KIAA1549L: variants seen among roughly 807,000 people sequenced by gnomAD.
KIAA1549L encodes the protein UPF0606 protein KIAA1549L.
In KIAA1549L, 88 loss-of-function variants were observed where a neutral mutation model predicts 160.7. That is an observed-to-expected ratio of 0.55 (90% CI 0.46 to 0.65). The LOEUF (loss-of-function observed/expected upper bound fraction) is 0.65. Among genes scored for constraint, KIAA1549L ranks in the 30% least tolerant of loss-of-function variants. The probability of loss-of-function intolerance (pLI) is 0.00; values close to 1 mark genes in which losing one functional copy is unlikely to be tolerated. For missense variants in KIAA1549L, 2,258 were observed against 2,437.5 expected, an observed-to-expected ratio of 0.93 and a Z score of 1.55; for synonymous variants, 950 against 976.7, an observed-to-expected ratio of 0.97 and a Z score of 0.51.
At chr11:33,568,330 T>C in intron 9 of KIAA1549L, 103 bp downstream of exon 9, 2 of 1,086,618 alleles carry the variant, frequency 1.8e-6, no homozygotes, top group Non-Finnish European at 2.5e-6. Context: ...GGAGCCTCCA[T>C]GCTGCCAACT....
intron 1 of KIAA1549L, among the ~76,000 whole-genome samples, chr11:33,454,386 G>A (rs1271086046): frequency 1.3e-5 from 2 of 152,164 alleles, no homozygotes; most frequent in African/African-American, 4.8e-5. Context: ...AGTAAATATA[G>A]GCAGACACCC....
intron 17 of KIAA1549L, among the ~76,000 whole-genome samples, chr11:33,647,182 C>T (rs181794210): frequency 1.4e-3 from 212 of 152,126 alleles, no homozygotes; most frequent in Non-Finnish European, 2.4e-3. Context: ...CTCAAGAGTT[C>T]GAGACCAGTC....
intron 1 of KIAA1549L, among the ~76,000 whole-genome samples, chr11:33,443,281 T>C (rs960747562): frequency 2.0e-5 from 3 of 152,124 alleles, no homozygotes; most frequent in African/African-American, 4.8e-5. Context: ...ATTACAGGCA[T>C]GAGCCACCAT....
chr11:33,662,109 T>G (rs1852285693), intron 20 of KIAA1549L, among the ~76,000 whole-genome samples: 1 of 152,196 alleles, frequency 6.6e-6, no homozygotes, highest in Non-Finnish European at 1.5e-5. Flanking sequence ...TGATGCCTCA[T>G]TATACTAAAA....
At chr11:33,563,702 GC>G (rs1854952065) in intron 8 of KIAA1549L, among the ~76,000 whole-genome samples, 1 of 152,210 alleles carries the variant, frequency 6.6e-6, no homozygotes. Flanking sequence ...CAGAGTTTAT[GC>G]CCAAGAGAGA....
intron 1 of KIAA1549L, chr11:33,450,564 AAAC>A (rs67487919): frequency 1.0e-4 from 15 of 145,040 alleles, no homozygotes; most frequent in Admixed American, 6.3e-4. Context: ...CCTGTCTCTT[AAAC>A]AACAACAACA....
intron 1 of KIAA1549L, among the ~76,000 whole-genome samples, chr11:33,409,621 A>G (rs770202773): frequency 1.3e-5 from 2 of 152,212 alleles, no homozygotes; most frequent in South Asian, 2.1e-4. Flanking sequence ...CATTCTGCTT[A>G]CTTTTTCCTT....
chr11:33,401,969 C>G (rs998641357), intron 1 of KIAA1549L, among the ~76,000 whole-genome samples: 1 of 152,200 alleles, frequency 6.6e-6, no homozygotes, highest in Non-Finnish European at 1.5e-5. Context: ...AGGGGCACAG[C>G]TGTCCCTCTG....
chr11:33,525,260 G>A (rs985383249), intron 1 of KIAA1549L, among the ~76,000 whole-genome samples: 2 of 152,232 alleles, frequency 1.3e-5, no homozygotes, highest in Admixed American at 6.5e-5. Context: ...GAGTGTGAGA[G>A]GGGGAAAAGT....
chr11:33,459,926 A>T (rs1851906869), intron 1 of KIAA1549L, among the ~76,000 whole-genome samples: 1 of 127,274 alleles, frequency 7.9e-6, no homozygotes, highest in Non-Finnish European at 1.6e-5. Context: ...CCGCCACTGC[A>T]CTCCAGCCTG....
intron 1 of KIAA1549L, among the ~76,000 whole-genome samples, chr11:33,433,636 A>G (rs1030695435): frequency 6.6e-6 from 1 of 152,216 alleles, no homozygotes; most frequent in African/African-American, 2.4e-5. Context: ...AGACACATGC[A>G]TACATACATT....
chr11:33,606,908 T>A, intron 14 of KIAA1549L, 86 bp downstream of exon 14: 1 of 1,189,426 alleles, frequency 8.4e-7, no homozygotes, highest in Non-Finnish European at 1.2e-6. Flanking sequence ...GAATACTGGG[T>A]GCAGATTGCA....
rs759736214 is a variant in KIAA1549L at position 33,552,159 on chromosome 11, A to G, written c.3773A>G (p.Gln1258Arg). 3 of 1,613,090 alleles carry G rather than the reference A, an allele frequency of 1.9e-6. No homozygotes were observed. The highest frequency in any genetic ancestry group is 3.3e-5 in the Admixed American group (2 of 59,898). Residue 1258 changes from glutamine (Q) to arginine (R), a missense_variant, in exon 6 of 21, where the codon CAG (glutamine) becomes CGG (arginine). This residue lies in a region of KIAA1549L where 1,359 missense variants were observed against 1,546.6 expected (regional missense o/e 0.88). Transcript: ENST00000658780. ...AACATACAGTCCTGCAAGTTTGCTC[A>G]GACAATGGAACAGAGGCTGCAGAAG... ...ADNIQSCKFA[Q>R]TMEQRLQKAF...
intron 6 of KIAA1549L, among the ~76,000 whole-genome samples, chr11:33,555,570 C>CT (rs1313363520): frequency 2.0e-5 from 3 of 152,182 alleles, no homozygotes; most frequent in Non-Finnish European, 4.4e-5. Context: ...AAAGGACAGT[C>CT]TTTTTAACAC....
intron 16 of KIAA1549L, among the ~76,000 whole-genome samples, chr11:33,630,324 G>T (rs1027805928): frequency 2.6e-5 from 4 of 152,340 alleles, no homozygotes; most frequent in Admixed American, 6.5e-5. Context: ...CGAGCTTCCC[G>T]GCTGCTTTGT....
At chr11:33,612,919 G>A (rs1272331013) in intron 15 of KIAA1549L, among the ~76,000 whole-genome samples, 1 of 152,136 alleles carries the variant, frequency 6.6e-6, no homozygotes, top group African/African-American at 2.4e-5. Context: ...CCATGTTTCT[G>A]CAAAAGACAT....
intron 20 of KIAA1549L, among the ~76,000 whole-genome samples, chr11:33,666,764 T>C (rs1294752732): frequency 1.3e-5 from 2 of 152,238 alleles, no homozygotes; most frequent in African/African-American, 4.8e-5. Context: ...ATCCAAGACG[T>C]TGTAATGCAG....
chr11:33,617,359 G>C (rs2133347306), intron 15 of KIAA1549L, among the ~76,000 whole-genome samples: 1 of 152,230 alleles, frequency 6.6e-6, no homozygotes, highest in Admixed American at 6.5e-5. Flanking sequence ...TCACTATGTT[G>C]CTATTTACTT....
chr11:33,623,183 C>T (rs2133358818), intron 16 of KIAA1549L, among the ~76,000 whole-genome samples: 1 of 152,312 alleles, frequency 6.6e-6, no homozygotes. Context: ...GGGACCAAGG[C>T]CAACACAGGA....
Sources: allele counts gnomAD v4.1 joint callset (sites outside exome capture counted in the v4.1 genomes callset), GRCh38; gene constraint gnomAD v4.1.1; regional missense constraint gnomAD v4.1.1; transcripts MANE v1.5; gene names NCBI Gene and HGNC (gene_info 2026-07-23, HGNC 2026-07-21).